SLC6A15: variants seen among roughly 807,000 people sequenced by gnomAD.
SLC6A15 encodes sodium-dependent neutral amino acid transporter B(0)AT2.
SLC6A15 carries 33 observed loss-of-function variants against 68.5 expected under a neutral mutation model. The observed-to-expected ratio is 0.48, with a 90% confidence interval of 0.37 to 0.64. The LOEUF is 0.64. Ranked by LOEUF, SLC6A15 falls within the 30% of genes least tolerant of loss-of-function variation. SLC6A15 has a pLI of 0.00. For synonymous variants in SLC6A15, 347 were observed against 301.0 expected (o/e 1.15, Z -1.58); for missense variants, 747 against 874.3 (o/e 0.85, Z 1.84).
chr12:84,890,242 T>C (rs191493671), intron 2 of SLC6A15, among the ~76,000 whole-genome samples: 153 of 152,278 alleles, frequency 1.0e-3, no homozygotes, highest in African/African-American at 3.6e-3. Flanking sequence ...TATATGGAAA[T>C]AAGAAGGAGG....
intron 11 of SLC6A15, among the ~76,000 whole-genome samples, chr12:84,862,943 C>T (rs1430542873): frequency 1.3e-5 from 2 of 152,094 alleles, no homozygotes; most frequent in African/African-American, 2.4e-5. Context: ...CCGTGTGCTA[C>T]CATGCCCAGC....
At chr12:84,873,467 C>G in intron 6 of SLC6A15, 139 bp from the exon 7 acceptor site, 1 of 1,010,446 alleles carries the variant, frequency 9.9e-7, no homozygotes, top group South Asian at 1.8e-5. Context: ...ATAATATGTT[C>G]TTAAGCATAA....
chr12:84,892,853 G>A (rs1055105660), intron 1 of SLC6A15, among the ~76,000 whole-genome samples: 2 of 152,140 alleles, frequency 1.3e-5, no homozygotes, highest in African/African-American at 2.4e-5. Flanking sequence ...GGAGTGCTGT[G>A]GCAAAATCAG....
chr12:84,880,079 C>A (rs1871750553), intron 5 of SLC6A15, among the ~76,000 whole-genome samples: 1 of 152,116 alleles, frequency 6.6e-6, no homozygotes, highest in Non-Finnish European at 1.5e-5. Context: ...AAGACTCTAA[C>A]ACAGTTTCCT....
chr12:84,908,211 CTG>C (rs1388554402), intron 1 of SLC6A15, among the ~76,000 whole-genome samples: 1 of 152,110 alleles, frequency 6.6e-6, no homozygotes, highest in African/African-American at 2.4e-5. Flanking sequence ...CAAGAACTCT[CTG>C]TGTTATTTCT....
At position 84,873,269 on chromosome 12, in the gene SLC6A15, G is replaced by C; in HGVS notation, c.927C>G (p.Ala309=). Residue 309 remains alanine, a synonymous_variant, in exon 7 of 12, where the codon GCC becomes GCG. Coordinates refer to ENST00000266682, the MANE Select transcript of SLC6A15 (RefSeq NM_182767.6). ...WREAATQVFF[A]LGLGFGGVIA... is the part of the protein sequence containing the mutation. Reference sequence around the variant, plus strand: ...TGACACCACCAAATCCCAGACCTAAGGCAAAGAACACTTGAGTAGCAGCTT... The same window carrying C: ...TGACACCACCAAATCCCAGACCTAACGCAAAGAACACTTGAGTAGCAGCTT... The C allele has an allele frequency of 6.2e-7, 1 of 1,613,970 alleles. No homozygotes were observed.
rs1001883842 is a variant in SLC6A15, at chr12:84,860,379, A to G, written c.*1253T>C. 5.3e-5 allele frequency: 8 copies of G among 152,162 alleles called. No individual in the cohort carries two copies. Among genetic ancestry groups the G allele is most frequent in the African/African-American group, 1.4e-4 (6 of 41,474 alleles). The allele number at this position is 152,162 out of a possible 1,614,324, so 9.4% of individuals were successfully genotyped here. Reference sequence around the variant, plus strand: ...CATAGTCTTTTATACTTTGCAGACAATATTGAATCAGCAAGCAGTCAATTG... The same window carrying G: ...CATAGTCTTTTATACTTTGCAGACAGTATTGAATCAGCAAGCAGTCAATTG... On this transcript the variant is annotated 3_prime_UTR_variant, in exon 12 of 12. Coordinates refer to ENST00000266682, the MANE Select transcript of SLC6A15 (RefSeq NM_182767.6).
At chr12:84,910,693 C>T (rs1873394437) in intron 1 of SLC6A15, among the ~76,000 whole-genome samples, 1 of 152,114 alleles carries the variant, frequency 6.6e-6, no homozygotes, top group South Asian at 2.1e-4. Context: ...AAGGAACACC[C>T]TGAACAACAG....
chr12:84,910,651 C>T (rs1291231765), intron 1 of SLC6A15, among the ~76,000 whole-genome samples: 4 of 151,666 alleles, frequency 2.6e-5, no homozygotes, highest in Non-Finnish European at 5.9e-5. Flanking sequence ...ACTAAAGAGA[C>T]ATCCCTATCA....
At chr12:84,874,359 CAT>C (rs1285422281) in intron 6 of SLC6A15, 2 of 152,138 alleles carry the variant, frequency 1.3e-5, no homozygotes, top group Non-Finnish European at 2.9e-5. Context: ...TAACCGATAA[CAT>C]AGATGAGCTA....
intron 2 of SLC6A15, among the ~76,000 whole-genome samples, chr12:84,887,141 A>G (rs1036826460): frequency 1.3e-5 from 2 of 152,128 alleles, no homozygotes; most frequent in African/African-American, 2.4e-5. Context: ...CTTACATTCA[A>G]TTTTTTAATC....
rs1413932763 is a variant in SLC6A15, at chr12:84,864,991, A to G, written c.1656-1390T>C. Among the ~76,000 whole-genome samples, 3 of 152,208 alleles carry G rather than the reference A, an allele frequency of 2.0e-5. No individual in the cohort carries two copies. In the East Asian group the frequency reaches 5.8e-4, roughly 29 times the overall value. ...AATAGTGTTATTCAGGAACACTAGC[A>G]TTAAAAAGAGAGATTCTTTAGTAAG... On this transcript the variant is annotated intron_variant, in intron 10 of 11. Coordinates refer to ENST00000266682, the MANE Select transcript of SLC6A15 (RefSeq NM_182767.6).
intron 2 of SLC6A15, among the ~76,000 whole-genome samples, chr12:84,889,540 AAC>A (rs1322298815): frequency 2.0e-5 from 3 of 152,006 alleles, no homozygotes; most frequent in Admixed American, 6.5e-5. Flanking sequence ...AAATAAAAAA[AAC>A]AGTTTTCCCT....
chr12:84,866,079 C>A (rs1871052606), intron 10 of SLC6A15, among the ~76,000 whole-genome samples: 1 of 150,014 alleles, frequency 6.7e-6, no homozygotes, highest in South Asian at 2.3e-4. Flanking sequence ...AAAACATTCT[C>A]TAAGCTTTGT....
intron 10 of SLC6A15, among the ~76,000 whole-genome samples, chr12:84,863,879 A>C (rs1286097887): frequency 6.6e-6 from 1 of 151,716 alleles, no homozygotes; most frequent in African/African-American, 2.4e-5. Flanking sequence ...GTATATTAAA[A>C]ATTTCTTGTC....
intron 1 of SLC6A15, chr12:84,911,867 T>A (rs1331819941): frequency 2.0e-5 from 3 of 152,280 alleles, no homozygotes; most frequent in African/African-American, 7.2e-5. Flanking sequence ...ACAGGAGCCG[T>A]GATTTCTCCA....
At chr12:84,867,771 T>C (rs530709802) in intron 9 of SLC6A15, 4 of 152,314 alleles carry the variant, frequency 2.6e-5, no homozygotes, top group African/African-American at 7.2e-5. Flanking sequence ...CCTGAACAGA[T>C]TAGTTTGGAA....
intron 6 of SLC6A15, 46 bp from the exon 7 acceptor site, chr12:84,873,374 C>G (rs1307654028): frequency 1.3e-6 from 2 of 1,587,156 alleles, no homozygotes; most frequent in Admixed American, 3.6e-5. Flanking sequence ...AATAATGTTT[C>G]AGAATAATTA....
chr12:84,863,346 C>G (rs1465251554), intron 11 of SLC6A15, 93 bp downstream of exon 11: 1 of 922,602 alleles, frequency 1.1e-6, no homozygotes, highest in East Asian at 2.8e-5. Flanking sequence ...CATTAAACAG[C>G]AAAAAATACT....
Sources: allele counts gnomAD v4.1 joint callset (sites outside exome capture counted in the v4.1 genomes callset), GRCh38; gene constraint gnomAD v4.1.1; transcripts MANE v1.5; gene names NCBI Gene and HGNC (gene_info 2026-07-23, HGNC 2026-07-21).